NDST3: variants seen among roughly 807,000 people sequenced by gnomAD.
The protein encoded by NDST3 is bifunctional heparan sulfate N-deacetylase/N-sulfotransferase 3.
In NDST3, 58 loss-of-function variants were observed where a neutral mutation model predicts 96.1. The observed-to-expected ratio is 0.60, with a 90% confidence interval of 0.49 to 0.75. The LOEUF is 0.75. Among genes scored for constraint, NDST3 ranks in the 30% least tolerant of loss-of-function variants. NDST3 has a pLI of 0.00. For synonymous variants in NDST3, 333 were observed against 359.7 expected, an observed-to-expected ratio of 0.93 and a Z score of 0.84; for missense variants, 788 against 1,034.2, an observed-to-expected ratio of 0.76 and a Z score of 3.27.
chr4:118,125,734 T>C (rs555760432), intron 4 of NDST3, among the ~76,000 whole-genome samples: 3 of 152,240 alleles, frequency 2.0e-5, no homozygotes, highest in East Asian at 1.9e-4. Flanking sequence ...TACAATTTTT[T>C]AGAAAATGAA....
intron 6 of NDST3, among the ~76,000 whole-genome samples, chr4:118,153,011 T>C (rs1477435598): frequency 6.6e-6 from 1 of 152,190 alleles, no homozygotes; most frequent in African/African-American, 2.4e-5. Flanking sequence ...AAACTATGAC[T>C]GAGCAACGGC....
chr4:118,257,222 T>A lies in NDST3; in HGVS notation c.*1510T>A, dbSNP rs1742173917. On this transcript the variant is annotated 3_prime_UTR_variant, in exon 14 of 14. Coordinates refer to ENST00000296499, the MANE Select transcript of NDST3 (RefSeq NM_004784.3). ...GGTGTGATCTCAGCTCACTGCAACC[T>A]CCGCCTCCTGGGTTCAAGTGATTCT... The A allele has an allele frequency of 6.6e-6, 1 of 152,136 alleles. No homozygotes were observed. The allele number at this position is 152,136 out of a possible 1,614,324, so 9.4% of individuals were successfully genotyped here.
chr4:118,055,628 T>TA (rs1049485932), intron 2 of NDST3: 1 of 152,000 alleles, frequency 6.6e-6, no homozygotes, highest in East Asian at 1.9e-4. Context: ...TGTTTACTAT[T>TA]AAAAAATTTT....
intron 12 of NDST3, among the ~76,000 whole-genome samples, chr4:118,247,474 C>A (rs942460212): frequency 6.6e-6 from 1 of 151,988 alleles, no homozygotes; most frequent in Non-Finnish European, 1.5e-5. Flanking sequence ...ATTGCTTGAA[C>A]CCAGGAGGTG....
At chr4:118,169,158 T>C (rs1735756145) in intron 6 of NDST3, among the ~76,000 whole-genome samples, 1 of 152,184 alleles carries the variant, frequency 6.6e-6, no homozygotes, top group Non-Finnish European at 1.5e-5. Flanking sequence ...GAAAGAACTT[T>C]TAAAATATCT....
At chr4:118,155,970 A>T (rs1244998629) in intron 6 of NDST3, among the ~76,000 whole-genome samples, 2 of 152,206 alleles carry the variant, frequency 1.3e-5, no homozygotes, top group Non-Finnish European at 2.9e-5. Context: ...TCCCATAGCA[A>T]TCAATGACAC....
At chr4:118,149,045 G>A (rs952969779) in intron 6 of NDST3, among the ~76,000 whole-genome samples, 1 of 152,028 alleles carries the variant, frequency 6.6e-6, no homozygotes, top group African/African-American at 2.4e-5. Context: ...TCTCAGGTTT[G>A]TCAAAGATCA....
chr4:118,150,662 A>C (rs1031486568), intron 6 of NDST3, among the ~76,000 whole-genome samples: 1 of 151,658 alleles, frequency 6.6e-6, no homozygotes, highest in Non-Finnish European at 1.5e-5. Context: ...GCCATCAGAG[A>C]AATGCAAATC....
intron 2 of NDST3, among the ~76,000 whole-genome samples, chr4:118,062,375 G>A (rs1411843038): frequency 2.0e-5 from 3 of 152,068 alleles, no homozygotes; most frequent in African/African-American, 7.2e-5. Context: ...TTTGGTAATA[G>A]AATGTCCAGT....
intron 6 of NDST3, among the ~76,000 whole-genome samples, chr4:118,152,650 C>T (rs752499717): frequency 1.3e-5 from 2 of 152,036 alleles, no homozygotes; most frequent in Non-Finnish European, 2.9e-5. Flanking sequence ...TTAATCTTGC[C>T]TTAGTGCTTT....
Position 118,253,532 on chromosome 4 carries a change from A to G in NDST3, c.2433A>G (p.Leu811=). The change falls in exon 13 of 14, where the codon TTA becomes TTG. Residue 811 remains leucine, a synonymous_variant. Transcript: ENST00000296499. Reference sequence around the variant, plus strand: ...CTCATAAAGGTTTCTGGTGTCAGTTACTGGAAGAAGGTAAAACAAAATGCC... The same window carrying G: ...CTCATAAAGGTTTCTGGTGTCAGTTGCTGGAAGAAGGTAAAACAAAATGCC... The part of the protein sequence containing the change: ...FDSHKGFWCQ[L]LEEGKTKCLG... 1 of 1,612,360 alleles carries G rather than the reference A, an allele frequency of 6.2e-7. No individual in the cohort carries two copies. The highest frequency in any genetic ancestry group is 8.5e-7 in the Non-Finnish European group (1 of 1,179,030).
At chr4:118,162,729 CA>C (rs1192482371) in intron 6 of NDST3, among the ~76,000 whole-genome samples, 2 of 145,792 alleles carry the variant, frequency 1.4e-5, no homozygotes, top group African/African-American at 4.9e-5. Context: ...GCAATGGCAA[CA>C]AAAGACAAAA....
chr4:118,160,014 G>A (rs1734984414), intron 6 of NDST3, among the ~76,000 whole-genome samples: 1 of 152,104 alleles, frequency 6.6e-6, no homozygotes, highest in Non-Finnish European at 1.5e-5. Context: ...AGAAATAATG[G>A]CCAAAACTTC....
chr4:118,086,947 C>T (rs1173873323), intron 2 of NDST3, among the ~76,000 whole-genome samples: 1 of 152,020 alleles, frequency 6.6e-6, no homozygotes, highest in East Asian at 1.9e-4. Flanking sequence ...AAAAGCACCG[C>T]TTATGGCAGG....
intron 4 of NDST3, among the ~76,000 whole-genome samples, chr4:118,132,758 C>T (rs1291553851): frequency 6.6e-6 from 1 of 152,148 alleles, no homozygotes; most frequent in Non-Finnish European, 1.5e-5. Context: ...GGTCCGAGGG[C>T]TCTTTAATCA....
intron 2 of NDST3, among the ~76,000 whole-genome samples, chr4:118,098,619 G>T (rs992033833): frequency 4.6e-5 from 7 of 151,994 alleles, no homozygotes; most frequent in Non-Finnish European, 1.5e-5. Flanking sequence ...ACCAGTTAAA[G>T]TATGTAACAG....
intron 4 of NDST3, among the ~76,000 whole-genome samples, chr4:118,131,570 C>G (rs1732618227): frequency 6.6e-6 from 1 of 152,122 alleles, no homozygotes; most frequent in Admixed American, 6.6e-5. Flanking sequence ...AAAGGTCACA[C>G]ATCCTTATTT....
intron 6 of NDST3, among the ~76,000 whole-genome samples, chr4:118,200,998 T>C (rs1738044002): frequency 6.6e-6 from 1 of 152,176 alleles, no homozygotes; most frequent in South Asian, 2.1e-4. Context: ...CCATGTGTTC[T>C]CAATGCTTAG....
intron 2 of NDST3, 24 bp from the exon 3 acceptor site, chr4:118,104,994 C>G (rs1194762842): frequency 6.3e-7 from 1 of 1,597,880 alleles, no homozygotes; most frequent in Non-Finnish European, 8.6e-7. Context: ...TTACCTGATA[C>G]ATTTTTTAAA....
Sources: gnomAD v4.1 joint callset for allele counts (sites outside exome capture counted in the v4.1 genomes callset) on GRCh38, gnomAD v4.1.1 for gene constraint, MANE v1.5 for transcripts, NCBI Gene and HGNC (gene_info 2026-07-23, HGNC 2026-07-21) for gene names.